Variants in KATNIP observed in about 807,000 individuals in gnomAD.
KATNIP encodes katanin-interacting protein.
A neutral mutation model predicts 174.0 loss-of-function variants in KATNIP; 126 were observed. That is an observed-to-expected ratio of 0.72 (90% confidence interval 0.63 to 0.84). The LOEUF is 0.84. Among genes scored for constraint, KATNIP ranks in the 40% least tolerant of loss-of-function variants. KATNIP has a pLI of 0.00. For missense variants in KATNIP, 1,958 were observed against 2,109.7 expected, an observed-to-expected ratio of 0.93 and a Z score of 1.41; for synonymous variants, 810 against 835.7, an observed-to-expected ratio of 0.97 and a Z score of 0.53.
At chr16:27,634,533 A>G (rs2076579808) in intron 5 of KATNIP, among the ~76,000 whole-genome samples, 1 of 152,212 alleles carries the variant, frequency 6.6e-6, no homozygotes, top group South Asian at 2.1e-4. Context: ...GCTGCAATCC[A>G]GGAATCAGGG....
At chr16:27,696,518 C>T (rs746878052) in intron 8 of KATNIP, among the ~76,000 whole-genome samples, 11 of 152,092 alleles carry the variant, frequency 7.2e-5, no homozygotes, top group Non-Finnish European at 1.5e-4. Flanking sequence ...CAATAGACCT[C>T]AGTGTCTGTT....
In KATNIP at chr16:27,750,224, C is replaced by T. The variant is rs61730165; in HGVS notation, c.3264C>T (p.Gly1088=). Residue 1088 remains glycine (G), a synonymous_variant, in exon 16 of 28, where the codon GGC becomes GGT. Coordinates refer to ENST00000261588, the MANE Select transcript of KATNIP (RefSeq NM_015202.5). ...YNKSRIHSFR[G]VKDITMLLDT... is the part of the protein sequence containing the mutation. ...AATCTCGGATACATTCCTTCCGAGG[C>T]GTGAAGGACATCACAATGCTGTTAG... is the stretch of plus-strand genomic sequence containing the variant. 3,182 of 1,613,890 alleles carry T rather than the reference C, an allele frequency of 2.0e-3. 52 individuals are homozygous for T. The African/African-American group carries it at 0.038, about 19-fold the overall frequency.
chr16:27,701,595 C>A lies in KATNIP; in HGVS notation c.1186C>A (p.Pro396Thr). The change falls in exon 11 of 28, where the codon CCC becomes ACC. Residue 396 changes from proline to threonine, a missense_variant. Transcript: ENST00000261588. ...TAAGCCTTTCCATCCTCAGCTGCTTCCCATCACCACGGCGACTACTACTCA... is the reference window on the plus strand; with the variant it reads ...TAAGCCTTTCCATCCTCAGCTGCTTACCATCACCACGGCGACTACTACTCA... ...EEKEETLELL[P>T]ITTATTTQEP... 6.3e-7 allele frequency: 1 copy of A among 1,590,524 alleles called. No individual in the cohort carries two copies. The highest frequency in any genetic ancestry group is 8.6e-7 in the Non-Finnish European group (1 of 1,168,380).
intron 24 of KATNIP, 89 bp downstream of exon 24, chr16:27,775,173 T>A: frequency 1.4e-6 from 2 of 1,479,394 alleles, no homozygotes; most frequent in East Asian, 4.7e-5. Context: ...ACGTCTTTCT[T>A]CCAGGTCAAG....
chr16:27,654,831 A>G (rs2142395754), intron 6 of KATNIP: 1 of 1,201,872 alleles, frequency 8.3e-7, no homozygotes, highest in African/African-American at 1.6e-5. Flanking sequence ...TCCGTGAGAG[A>G]GTCTAGGAAA....
chr16:27,633,217 C>T (rs976402665), intron 5 of KATNIP, among the ~76,000 whole-genome samples: 3 of 152,062 alleles, frequency 2.0e-5, no homozygotes, highest in Admixed American at 2.0e-4. Flanking sequence ...ATTCAGTTGG[C>T]TGGGATCTTG....
intron 14 of KATNIP, among the ~76,000 whole-genome samples, chr16:27,726,389 C>T (rs1461905402): frequency 1.3e-5 from 2 of 152,160 alleles, no homozygotes; most frequent in African/African-American, 2.4e-5. Context: ...CTGTTTGGTA[C>T]AGTAATCACT....
At chr16:27,738,242 A>G (rs1014552720) in intron 14 of KATNIP, among the ~76,000 whole-genome samples, 1 of 152,080 alleles carries the variant, frequency 6.6e-6, no homozygotes, top group Admixed American at 6.6e-5. Context: ...ATAGGGAGGG[A>G]CCATAAGTGG....
intron 2 of KATNIP, among the ~76,000 whole-genome samples, chr16:27,598,896 G>A (rs1392712951): frequency 6.6e-6 from 1 of 152,166 alleles, no homozygotes; most frequent in African/African-American, 2.4e-5. Flanking sequence ...GTAGAAACAG[G>A]TGGGCCTTCA....
intron 13 of KATNIP, 24 bp downstream of exon 13, chr16:27,708,944 G>A: frequency 6.4e-7 from 1 of 1,566,944 alleles, no homozygotes. Flanking sequence ...GCACTGGATT[G>A]CTTCTTGGCT....
intron 2 of KATNIP, among the ~76,000 whole-genome samples, chr16:27,607,485 G>A (rs1287557089): frequency 6.6e-6 from 1 of 152,012 alleles, no homozygotes; most frequent in African/African-American, 2.4e-5. Context: ...GCATTAGCTT[G>A]TCACCCATAA....
rs35339029 is a variant in KATNIP at position 27,609,378 on chromosome 16, C to CTT, written c.64-9018_64-9017dup. ...TGAGAAGGGAATATCTGAGTTAAGT[C>CTT]TTTTTTTTTTTTTTTTTTTTTTTTT... On this transcript the variant is annotated intron_variant, in intron 2 of 27. Transcript: ENST00000261588. Among the ~76,000 whole-genome samples the CTT allele has an allele frequency of 3.1e-3, 175 of 55,648 alleles. 23 individuals are homozygous for CTT. Among genetic ancestry groups the CTT allele is most frequent in the African/African-American group, 5.4e-3 (66 of 12,246 alleles). 36.5% of individuals were successfully genotyped at this position (55,648 alleles called of 152,430 possible).
chr16:27,691,420 C>A (rs1033153324), intron 8 of KATNIP, among the ~76,000 whole-genome samples: 1 of 152,192 alleles, frequency 6.6e-6, no homozygotes, highest in South Asian at 2.1e-4. Context: ...TTGCTGGTGG[C>A]ACAAATGGAC....
intron 18 of KATNIP, among the ~76,000 whole-genome samples, chr16:27,757,322 A>G (rs2081772261): frequency 6.6e-6 from 1 of 152,174 alleles, no homozygotes; most frequent in Non-Finnish European, 1.5e-5. Flanking sequence ...GAGATGGAAA[A>G]CAGATTGGCC....
At chr16:27,746,594 G>A (rs574441003) in intron 15 of KATNIP, among the ~76,000 whole-genome samples, 6 of 152,226 alleles carry the variant, frequency 3.9e-5, no homozygotes, top group African/African-American at 9.7e-5. Flanking sequence ...GCTGTGCTGC[G>A]CACTGGGACA....
At chr16:27,757,508 T>C in intron 18 of KATNIP, 1 of 985,426 alleles carries the variant, frequency 1.0e-6, no homozygotes, top group Non-Finnish European at 1.2e-6. Flanking sequence ...TGCCTGTAGA[T>C]GTGTTTCCTG....
chr16:27,737,650 C>G (rs959451358), intron 14 of KATNIP, among the ~76,000 whole-genome samples: 1 of 152,016 alleles, frequency 6.6e-6, no homozygotes, highest in Non-Finnish European at 1.5e-5. Flanking sequence ...GCAGGCTCAG[C>G]CAGCGAGGCA....
rs540338983 is a variant in KATNIP, at chr16:27,634,595, G to A, written c.408+3433G>A. Among the ~76,000 whole-genome samples the A allele has an allele frequency of 9.2e-5, 14 of 152,296 alleles. No homozygotes were observed. The East Asian group carries it at 1.9e-3, about 21-fold the overall frequency. On this transcript the variant is annotated intron_variant, in intron 5 of 27. Coordinates refer to ENST00000261588, the MANE Select transcript of KATNIP (RefSeq NM_015202.5). ...GAGTGACTCCATGCCTGCTGGGACA[G>A]CGCTATGAAGACCCTGCCCCGCAGC... is the stretch of plus-strand genomic sequence containing the variant.
chr16:27,555,560 C>T (rs2089585593), intron 1 of KATNIP, among the ~76,000 whole-genome samples: 1 of 152,114 alleles, frequency 6.6e-6, no homozygotes, highest in Non-Finnish European at 1.5e-5. Context: ...CCTGGCTGGG[C>T]GCGGTGGCTC....
Sources: allele counts gnomAD v4.1 joint callset (sites outside exome capture counted in the v4.1 genomes callset), GRCh38; gene constraint gnomAD v4.1.1; transcripts MANE v1.5; gene names NCBI Gene and HGNC (gene_info 2026-07-23, HGNC 2026-07-21).